Variants in REEP5 observed in about 807,000 individuals in gnomAD.
REEP5 encodes the protein receptor expression-enhancing protein 5.
A neutral mutation model predicts 22.4 loss-of-function variants in REEP5; 24 were observed. That is an observed-to-expected ratio of 1.07 (90% CI 0.78 to 1.51). The LOEUF (loss-of-function observed/expected upper bound fraction) is 1.51. Ranked by LOEUF, REEP5 falls within the 40% of genes most tolerant of loss-of-function variation. The pLI is 0.00. For synonymous variants in REEP5, 103 were observed against 88.6 expected (o/e 1.16, Z -0.92); for missense variants, 252 against 233.0 (o/e 1.08, Z -0.53).
At chr5:112,879,796 C>T (rs1015620953) in intron 4 of REEP5, among the ~76,000 whole-genome samples, 3 of 151,884 alleles carry the variant, frequency 2.0e-5, no homozygotes, top group Admixed American at 6.6e-5. Flanking sequence ...ACTTTAAATT[C>T]GGCCAGGCAT....
intron 2 of REEP5, among the ~76,000 whole-genome samples, chr5:112,920,680 T>C (rs562718724): frequency 1.3e-5 from 2 of 152,210 alleles, no homozygotes; most frequent in Admixed American, 1.3e-4. Context: ...CTGTAACATG[T>C]GGCTTTTTCA....
chr5:112,912,857 G>A (rs898567807), intron 2 of REEP5, among the ~76,000 whole-genome samples: 2 of 152,084 alleles, frequency 1.3e-5, no homozygotes, highest in African/African-American at 2.4e-5. Context: ...ACACTAGTTC[G>A]TTTCCATGCC....
chr5:112,913,401 GAAA>G (rs1037666523), intron 2 of REEP5, among the ~76,000 whole-genome samples: 54 of 147,768 alleles, frequency 3.7e-4, no homozygotes, highest in Non-Finnish European at 4.2e-4. Flanking sequence ...GAGAAAGAAA[GAAA>G]AAAAGAAAAG....
intron 2 of REEP5, among the ~76,000 whole-genome samples, chr5:112,911,507 T>C (rs1271307458): frequency 6.6e-6 from 1 of 152,228 alleles, no homozygotes; most frequent in Non-Finnish European, 1.5e-5. Flanking sequence ...CAACCTTCCA[T>C]ACTATTTTTC....
At chr5:112,918,652 C>T (rs1009510647) in intron 2 of REEP5, among the ~76,000 whole-genome samples, 8 of 152,198 alleles carry the variant, frequency 5.3e-5, no homozygotes, top group African/African-American at 1.9e-4. Context: ...CATGTCACCC[C>T]CTATTTAAAA....
intron 3 of REEP5, among the ~76,000 whole-genome samples, chr5:112,901,931 C>T (rs1257404445): frequency 1.4e-5 from 2 of 147,438 alleles, no homozygotes; most frequent in Non-Finnish European, 3.0e-5. Context: ...CCACTGCACT[C>T]TAGCCTGGGC....
Position 112,878,618 on chromosome 5 carries a change from A to G in REEP5, c.*168T>C. On this transcript the variant is annotated 3_prime_UTR_variant, in exon 5 of 5. Coordinates refer to ENST00000379638, the MANE Select transcript of REEP5 (RefSeq NM_005669.5). Reference sequence around the variant, plus strand: ...TAAGTTTAAAGTGCTCCCTATATATATAGACAGTAAAAGTAAGCAAAGAAA... The same window carrying G: ...TAAGTTTAAAGTGCTCCCTATATATGTAGACAGTAAAAGTAAGCAAAGAAA... The G allele has an allele frequency of 6.1e-6, 6 of 982,026 alleles. No individual in the cohort carries two copies. Among genetic ancestry groups the G allele is most frequent in the East Asian group, 2.6e-5 (1 of 38,188 alleles). 60.8% of individuals were successfully genotyped at this position (982,026 alleles called of 1,614,324 possible).
At position 112,878,749 on chromosome 5, in the gene REEP5, G is replaced by C; in HGVS notation, c.*37C>G. On this transcript the variant is annotated 3_prime_UTR_variant, in exon 5 of 5. Transcript: ENST00000379638. ...ATATAACATCAAGCTCCAGTAGGAA[G>C]GTACAGAGAGGGCAGGAAGTTTCCA... 1 of 1,612,788 alleles carries C rather than the reference G, an allele frequency of 6.2e-7. No homozygotes were observed. Among genetic ancestry groups the C allele is most frequent in the Non-Finnish European group, 8.5e-7 (1 of 1,179,624 alleles).
At chr5:112,886,766 A>G (rs1317071105) in intron 4 of REEP5, among the ~76,000 whole-genome samples, 1 of 152,210 alleles carries the variant, frequency 6.6e-6, no homozygotes, top group Non-Finnish European at 1.5e-5. Flanking sequence ...GCTGCCTACC[A>G]AGGAAAGTCA....
intron 2 of REEP5, among the ~76,000 whole-genome samples, chr5:112,910,550 T>C (rs1769077982): frequency 1.3e-5 from 2 of 152,212 alleles, no homozygotes; most frequent in South Asian, 4.1e-4. Flanking sequence ...CATCATGCCA[T>C]TTTGGTTGTT....
chr5:112,921,662 A>C, intron 1 of REEP5: 1 of 233,144 alleles, frequency 4.3e-6, no homozygotes, highest in Non-Finnish European at 8.4e-6. Flanking sequence ...GCCCCCGCCC[A>C]CCCGAGAGGC....
chr5:112,912,842 CAT>C (rs1470071614), intron 2 of REEP5, among the ~76,000 whole-genome samples: 2 of 152,120 alleles, frequency 1.3e-5, no homozygotes, highest in Non-Finnish European at 2.9e-5. Flanking sequence ...CATTTTAAGA[CAT>C]AAACACTAGT....
At position 112,922,182 on chromosome 5, in the gene REEP5, C is replaced by A. The variant is rs745444397; in HGVS notation, c.9G>T (p.Ala3=). Residue 3 remains alanine (A), a synonymous_variant, in exon 1 of 5, where the codon GCG becomes GCT. Coordinates refer to ENST00000379638, the MANE Select transcript of REEP5 (RefSeq NM_005669.5). The part of the protein sequence containing the change: MS[A]AMRERFDRFL... ...ACCGGTCGAACCTCTCCCTCATGGCCGCAGACATGGCGGGGACCGTCTCGC... is the reference window on the plus strand; with the variant it reads ...ACCGGTCGAACCTCTCCCTCATGGCAGCAGACATGGCGGGGACCGTCTCGC... 25 of 1,606,436 alleles carry A rather than the reference C, an allele frequency of 1.6e-5. No individual in the cohort carries two copies. In the Admixed American group the frequency reaches 1.7e-4, roughly 11 times the overall value.
chr5:112,912,427 T>A (rs1295113974), intron 2 of REEP5, among the ~76,000 whole-genome samples: 1 of 152,172 alleles, frequency 6.6e-6, no homozygotes, highest in African/African-American at 2.4e-5. Flanking sequence ...AAAAAGCAGT[T>A]CATTAAAATA....
intron 4 of REEP5, among the ~76,000 whole-genome samples, chr5:112,880,107 A>G (rs1192353800): frequency 1.3e-5 from 2 of 152,114 alleles, no homozygotes; most frequent in Admixed American, 6.5e-5. Flanking sequence ...ACAAGACACT[A>G]CATTCATCAA....
intron 2 of REEP5, among the ~76,000 whole-genome samples, chr5:112,916,829 G>A (rs545456308): frequency 6.6e-6 from 1 of 152,290 alleles, no homozygotes; most frequent in African/African-American, 2.4e-5. Context: ...TTCTCTTTCT[G>A]TGTTTCCTCA....
chr5:112,893,855 A>C (rs565239245), intron 3 of REEP5: 56 of 152,370 alleles, frequency 3.7e-4, no homozygotes, highest in African/African-American at 1.2e-3. Context: ...TAGTTTTCCC[A>C]GCAACTCTGC....
rs116221231 is a variant in REEP5, at chr5:112,919,177, C to T, written c.212+1986G>A. On this transcript the variant is annotated intron_variant, in intron 2 of 4. Transcript: ENST00000379638. The stretch of plus-strand genomic sequence containing the variant: ...ACTGCTATGGTCTGAATGTTGTGTT[C>T]CCCCAACATCCATATGTTGGGACCT... 2.2e-3 allele frequency among the ~76,000 whole-genome samples: 328 copies of T among 152,232 alleles called. 3 individuals carry two copies. The highest frequency in any genetic ancestry group is 2.3e-3 in the Non-Finnish European group (159 of 68,022).
chr5:112,899,128 G>C (rs1467542420), intron 3 of REEP5, among the ~76,000 whole-genome samples: 2 of 152,128 alleles, frequency 1.3e-5, no homozygotes, highest in African/African-American at 4.8e-5. Context: ...ACCCAGGCTA[G>C]AGTGCAGTTG....
Sources: allele counts gnomAD v4.1 joint callset (sites outside exome capture counted in the v4.1 genomes callset), GRCh38; gene constraint gnomAD v4.1.1; transcripts MANE v1.5; gene names NCBI Gene and HGNC (gene_info 2026-07-23, HGNC 2026-07-21).